Variants in B4GALT6 observed in about 807,000 individuals in gnomAD.
B4GALT6 encodes beta-1,4-galactosyltransferase 6, also known as UDP-Gal:beta-GlcNAc beta-1,4-galactosyltransferase 6.
Under a neutral mutation model 46.3 loss-of-function variants are expected in B4GALT6, and 14 were observed. The observed-to-expected ratio is 0.30, with a 90% CI of 0.20 to 0.47. B4GALT6 has a LOEUF of 0.47. B4GALT6 is among the 20% of genes least tolerant of loss of function. B4GALT6 has a pLI of 0.99. For synonymous variants in B4GALT6, 168 were observed against 162.0 expected, an observed-to-expected ratio of 1.04 and a Z score of -0.28; for missense variants, 386 against 480.1, an observed-to-expected ratio of 0.80 and a Z score of 1.83.
intron 3 of B4GALT6, among the ~76,000 whole-genome samples, chr18:31,653,230 TC>T (rs1314000676): frequency 4.6e-5 from 7 of 151,714 alleles, no homozygotes; most frequent in Non-Finnish European, 8.8e-5. Context: ...CAGCTTCATT[TC>T]CCATACACGC....
the B4GALT6 span, among the ~76,000 whole-genome samples, chr18:31,692,674 G>C: frequency 6.6e-6 from 1 of 152,100 alleles, no homozygotes; most frequent in Non-Finnish European, 1.5e-5. Context: ...AGACATGATT[G>C]GTAAGAATTA....
At chr18:31,633,492 G>C in intron 5 of B4GALT6, among the ~76,000 whole-genome samples, 1 of 152,182 alleles carries the variant, frequency 6.6e-6, no homozygotes, top group East Asian at 1.9e-4. Context: ...AGTGTTATCA[G>C]ACCTTCTTTC....
upstream of B4GALT6, among the ~76,000 whole-genome samples, chr18:31,687,515 A>G (rs1186482037): frequency 1.3e-5 from 2 of 152,244 alleles, no homozygotes; most frequent in East Asian, 1.9e-4. Context: ...CAAACCCACA[A>G]TATCAACTGA....
At chr18:31,684,651 G>T, upstream of B4GALT6, 1 of 1,230,450 alleles carries the variant, frequency 8.1e-7, no homozygotes, top group Non-Finnish European at 1.0e-6. Context: ...CGGAGGCCGA[G>T]GGACAAGAGG....
At chr18:31,630,258 C>T (rs985657463) in intron 6 of B4GALT6, among the ~76,000 whole-genome samples, 6 of 152,162 alleles carry the variant, frequency 3.9e-5, no homozygotes, top group Admixed American at 2.0e-4. Context: ...CTGCCCTAAG[C>T]AACAAACAGA....
At chr18:31,663,964 G>T (rs767476494) in intron 2 of B4GALT6, among the ~76,000 whole-genome samples, 2 of 152,316 alleles carry the variant, frequency 1.3e-5, no homozygotes, top group East Asian at 1.9e-4. Flanking sequence ...CAGAATGCCA[G>T]TTTCACTAGA....
chr18:31,684,642 G>A (rs2074522350), upstream of B4GALT6: 2 of 1,249,152 alleles, frequency 1.6e-6, no homozygotes, highest in African/African-American at 3.1e-5. Context: ...GGGGAGGCGC[G>A]GAGGCCGAGG....
chr18:31,702,957 G>A, the B4GALT6 span, among the ~76,000 whole-genome samples: 9 of 152,196 alleles, frequency 5.9e-5, no homozygotes, highest in Non-Finnish European at 1.3e-4. Context: ...CTGCCACGAA[G>A]AGATGCCTTT....
chr18:31,660,430 ATTG>A (rs1176060735), intron 2 of B4GALT6, among the ~76,000 whole-genome samples: 11 of 152,208 alleles, frequency 7.2e-5, no homozygotes, highest in African/African-American at 2.6e-4. Flanking sequence ...TAAGATTACT[ATTG>A]TTATGAGTTT....
chr18:31,684,288 G>A, intron 1 of B4GALT6, 24 bp downstream of exon 1: 1 of 1,612,830 alleles, frequency 6.2e-7, no homozygotes, highest in Non-Finnish European at 8.5e-7. Context: ...ACCAGGGGAA[G>A]CGAGGGTGTG....
chr18:31,684,866 C>T (rs868848698), upstream of B4GALT6: 2 of 749,386 alleles, frequency 2.7e-6, no homozygotes, highest in Middle Eastern at 6.7e-4. Flanking sequence ...CTGCCCGCGC[C>T]CGGCGGGGTC....
At chr18:31,641,687 G>T (rs2073932523) in intron 4 of B4GALT6, among the ~76,000 whole-genome samples, 1 of 152,104 alleles carries the variant, frequency 6.6e-6, no homozygotes, top group Non-Finnish European at 1.5e-5. Flanking sequence ...ATTATCTTCT[G>T]ATAAAACAAC....
In B4GALT6 at chr18:31,645,461, T is replaced by C. The variant is rs776990971; in HGVS notation, c.365A>G (p.Asn122Ser). 11 of 1,610,106 alleles carry C rather than the reference T, an allele frequency of 6.8e-6. No individual in the cohort carries two copies. Among genetic ancestry groups the C allele is most frequent in the East Asian group, 4.5e-5 (2 of 44,846 alleles). ...TTCATCAAAACTGACTTCGCTTACATTGACATTGAGGAATCCTCCTACAAA... is the reference window on the plus strand; with the variant it reads ...TTCATCAAAACTGACTTCGCTTACACTGACATTGAGGAATCCTCCTACAAA... ...LPYMRGFLNV[N>S]VSEVSFDEIH... is the part of the protein sequence containing the mutation. Residue 122 changes from asparagine to serine, a missense_variant, in exon 4 of 9, where the codon AAT becomes AGT. Asn to Ser is a conservative substitution (Grantham distance 46, BLOSUM62 1). Around this residue, in one of 2 missense-constraint regions of B4GALT6, gnomAD observed 323 missense variants for 438.9 expected, o/e 0.74. Coordinates refer to ENST00000306851, the MANE Select transcript of B4GALT6 (RefSeq NM_004775.5).
chr18:31,719,491 A>T, the B4GALT6 span, among the ~76,000 whole-genome samples: 1 of 152,188 alleles, frequency 6.6e-6, no homozygotes, highest in Non-Finnish European at 1.5e-5. Flanking sequence ...AGCCTCCAGA[A>T]AAAGATCATG....
At position 31,641,802 on chromosome 18, in the gene B4GALT6, C is replaced by G. The variant is rs549725326; in HGVS notation, c.472-3042G>C. 4.6e-5 allele frequency among the ~76,000 whole-genome samples: 7 copies of G among 152,328 alleles called. No individual in the cohort carries two copies. In the South Asian group the frequency reaches 1.2e-3, roughly 27 times the overall value. ...CACAAATCTTGCTGAACATATGCACCATTTTTTCCCTTGCTTATTTTCTCC... is the reference window on the plus strand; with the variant it reads ...CACAAATCTTGCTGAACATATGCACGATTTTTTCCCTTGCTTATTTTCTCC... On this transcript the variant is annotated intron_variant, in intron 4 of 8. Coordinates refer to ENST00000306851, the MANE Select transcript of B4GALT6 (RefSeq NM_004775.5).
the B4GALT6 span, among the ~76,000 whole-genome samples, chr18:31,700,738 G>C: frequency 6.6e-6 from 1 of 152,068 alleles, no homozygotes; most frequent in Non-Finnish European, 1.5e-5. Flanking sequence ...TTGCAGGTGT[G>C]AGCCACCGCG....
At chr18:31,662,696 C>A (rs2074233312) in intron 2 of B4GALT6, among the ~76,000 whole-genome samples, 1 of 152,128 alleles carries the variant, frequency 6.6e-6, no homozygotes, top group South Asian at 2.1e-4. Flanking sequence ...AAAAAATTAG[C>A]CAGGCATGGT....
intron 6 of B4GALT6, among the ~76,000 whole-genome samples, chr18:31,630,082 A>C (rs1008782372): frequency 2.3e-5 from 1 of 44,404 alleles, no homozygotes; most frequent in Non-Finnish European, 4.2e-5. Context: ...GGGGAGCGGA[A>C]GCGGGGAGGG....
chr18:31,662,276 A>T (rs2074226647), intron 2 of B4GALT6, among the ~76,000 whole-genome samples: 1 of 152,182 alleles, frequency 6.6e-6, no homozygotes, highest in Non-Finnish European at 1.5e-5. Context: ...TAAGGAGCTC[A>T]ACTCACTGCC....
Sources: gnomAD v4.1 joint callset for allele counts (sites outside exome capture counted in the v4.1 genomes callset) on GRCh38, gnomAD v4.1.1 for gene constraint, gnomAD v4.1.1 regional missense constraint, MANE v1.5 for transcripts, NCBI Gene and HGNC (gene_info 2026-07-23, HGNC 2026-07-21) for gene names.